PHF6: variants seen among roughly 807,000 people sequenced by gnomAD.
PHF6 encodes the protein PHD finger protein 6, also known as PHD-like zinc finger protein.
Under a neutral mutation model 34.0 loss-of-function variants are expected in PHF6, and 7 were observed. The observed-to-expected ratio is 0.21, with a 90% CI of 0.12 to 0.39. PHF6 has a LOEUF of 0.39. Among genes scored for constraint, PHF6 ranks in the 10% least tolerant of loss-of-function variants. The probability of loss-of-function intolerance (pLI) is 1.00; values close to 1 mark genes in which losing one functional copy is unlikely to be tolerated. For synonymous variants in PHF6, 89 were observed against 88.4 expected, an observed-to-expected ratio of 1.01 and a Z score of -0.04; for missense variants, 128 against 262.8, an observed-to-expected ratio of 0.49 and a Z score of 3.55.
intron 5 of PHF6, among the ~76,000 whole-genome samples, chrX:134,403,412 T>C (rs2077410783): frequency 8.9e-6 from 1 of 112,017 alleles, no homozygotes; most frequent in Non-Finnish European, 1.9e-5. Context: ...CTATGAAGGC[T>C]GAGAGAGGTG....
chrX:134,394,543 G>T (rs1602701698), intron 5 of PHF6, among the ~76,000 whole-genome samples: 1 of 99,353 alleles, frequency 1.0e-5, no homozygotes, highest in African/African-American at 3.6e-5. Context: ...ATTTCTTTGT[G>T]TTTTTTTTTT....
chrX:134,428,199 A>G lies in PHF6; in HGVS notation c.*2539A>G, dbSNP rs1383206011. The G allele has an allele frequency of 7.1e-6, 1 of 141,252 alleles. No individual in the cohort carries two copies. Among genetic ancestry groups the G allele is most frequent in the African/African-American group, 3.3e-5 (1 of 29,911 alleles). The allele number at this position is 141,252 out of a possible 1,213,427, so 11.6% of individuals were successfully genotyped here. A position where few individuals can be genotyped will look rare whatever the true frequency, so the allele number is the denominator to read the frequency against. ...CGTATATTGAAGATTATTCTGGAGC[A>G]TTTATTGCCTTACCAGAAATGTTAG... On this transcript the variant is annotated 3_prime_UTR_variant, in exon 11 of 11. Coordinates refer to ENST00000370803, the MANE Select transcript of PHF6 (RefSeq NM_001015877.2).
intron 5 of PHF6, among the ~76,000 whole-genome samples, chrX:134,398,904 A>G (rs2077389478): frequency 8.9e-6 from 1 of 111,749 alleles, no homozygotes; most frequent in South Asian, 3.7e-4. Flanking sequence ...TCTTGGCTAG[A>G]GATAGAAATT....
chrX:134,424,785 A>G (rs760523152), intron 9 of PHF6, among the ~76,000 whole-genome samples: 4 of 112,306 alleles, frequency 3.6e-5, no homozygotes, highest in Non-Finnish European at 7.5e-5. Flanking sequence ...ATCAAATGTG[A>G]GCAGAAGGCA....
At chrX:134,386,629 G>T (rs111887768) in intron 3 of PHF6, among the ~76,000 whole-genome samples, 114 of 110,769 alleles carry the variant, frequency 1.0e-3, no homozygotes, top group African/African-American at 3.6e-3. Context: ...TGTTGGCCAG[G>T]ATGGTCTCGA....
At chrX:134,390,775 A>T (rs1362543951) in intron 3 of PHF6, among the ~76,000 whole-genome samples, 1 of 111,083 alleles carries the variant, frequency 9.0e-6, no homozygotes, top group Non-Finnish European at 1.9e-5. Context: ...ACCTGTTTTA[A>T]AGAATCTATG....
intron 5 of PHF6, among the ~76,000 whole-genome samples, chrX:134,405,489 G>A (rs929435850): frequency 1.8e-5 from 2 of 111,640 alleles, no homozygotes; most frequent in Non-Finnish European, 3.8e-5. Flanking sequence ...GTGAGCCACC[G>A]CGCCCGGCCG....
chrX:134,393,658 G>T, intron 4 of PHF6, 24 bp downstream of exon 4: 1 of 1,048,027 alleles, frequency 9.5e-7, no homozygotes, highest in East Asian at 3.4e-5. Context: ...TTCTCTTTAA[G>T]TTTTTTTTTT....
intron 3 of PHF6, among the ~76,000 whole-genome samples, chrX:134,389,197 C>CA (rs1226557572): frequency 9.0e-6 from 1 of 111,373 alleles, no homozygotes; most frequent in Admixed American, 9.7e-5. Flanking sequence ...AATCAGGATA[C>CA]AAGCAGGATA....
chrX:134,413,039 A>G (rs927522040), intron 5 of PHF6, among the ~76,000 whole-genome samples: 1 of 112,061 alleles, frequency 8.9e-6, no homozygotes, highest in Admixed American at 9.6e-5. Flanking sequence ...GTAGCCAATA[A>G]GCTCTTGCAG....
At chrX:134,393,882 A>G in intron 4 of PHF6, 27 bp from the exon 5 acceptor site, 1 of 1,189,912 alleles carries the variant, frequency 8.4e-7, no homozygotes, top group South Asian at 1.8e-5. Context: ...TTTGCTTACT[A>G]ATTTTTGATT....
intron 1 of PHF6, among the ~76,000 whole-genome samples, chrX:134,376,402 A>G (rs1004869881): frequency 1.8e-5 from 2 of 111,969 alleles, no homozygotes; most frequent in African/African-American, 6.5e-5. Flanking sequence ...TGTTGTGGCA[A>G]CCTGGATCTT....
At chrX:134,423,303 T>G (rs1416976596) in intron 9 of PHF6, among the ~76,000 whole-genome samples, 4 of 112,052 alleles carry the variant, frequency 3.6e-5, no homozygotes, top group Non-Finnish European at 7.5e-5. Context: ...ACGGACATAC[T>G]TGTCCCCTTA....
At chrX:134,415,287 C>A in intron 8 of PHF6, 167 bp downstream of exon 8, 1 of 844,536 alleles carries the variant, frequency 1.2e-6, no homozygotes, top group South Asian at 2.5e-5. Context: ...GCTGATGTTA[C>A]TGAAACTTAT....
intron 9 of PHF6, among the ~76,000 whole-genome samples, chrX:134,421,953 C>A (rs6634982): frequency 0.12 from 13,391 of 109,949 alleles, 709 homozygotes; most frequent in East Asian, 0.21. Context: ...GTTTTTGAGA[C>A]AGTCTCACTC....
At chrX:134,401,700 G>C (rs905995846) in intron 5 of PHF6, among the ~76,000 whole-genome samples, 2 of 111,759 alleles carry the variant, frequency 1.8e-5, no homozygotes, top group South Asian at 3.7e-4. Flanking sequence ...TAGAATTACA[G>C]TGACCACAAA....
intron 3 of PHF6, among the ~76,000 whole-genome samples, chrX:134,378,800 C>T (rs1284263235): frequency 2.7e-5 from 3 of 111,938 alleles, no homozygotes; most frequent in Admixed American, 1.9e-4. Flanking sequence ...TTGTGGAGAA[C>T]GGGATCTCGT....
chrX:134,406,086 C>CTTTCTTTCT (rs1406114980), intron 5 of PHF6, among the ~76,000 whole-genome samples: 1 of 97,794 alleles, frequency 1.0e-5, no homozygotes, highest in South Asian at 5.0e-4. Flanking sequence ...TTCTTTCTTT[C>CTTTCTTTCT]TTTCTTTCTT....
Position 134,425,291 on chromosome X carries a change from TCAG to T in PHF6, c.1062_1064del (p.Gln356del). The T allele has an allele frequency of 1.7e-6, 2 of 1,211,206 alleles. No individual in the cohort carries two copies. The highest frequency in any genetic ancestry group is 2.2e-6 in the Non-Finnish European group (2 of 895,090). ...AAAGCCGAGGAAAAGTAGAAATTGA[TCAG>T]CAACAACTAACTCAGCAGCAACTTA... On this transcript the variant is annotated inframe_deletion, in exon 10 of 11. Transcript: ENST00000370803.
Sources: gnomAD v4.1 joint callset for allele counts (sites outside exome capture counted in the v4.1 genomes callset) on GRCh38, gnomAD v4.1.1 for gene constraint, MANE v1.5 for transcripts, NCBI Gene and HGNC (gene_info 2026-07-23, HGNC 2026-07-21) for gene names.